Variants in KDM4C observed in about 807,000 individuals in gnomAD.
The protein encoded by KDM4C is lysine demethylase 4C.
In KDM4C, 81 loss-of-function variants were observed where a neutral mutation model predicts 129.3. The ratio of observed to expected loss-of-function variants is 0.63; its 90% CI spans 0.52 to 0.75. The LOEUF (loss-of-function observed/expected upper bound fraction) is 0.75. Ranked by LOEUF, KDM4C falls within the 30% of genes least tolerant of loss-of-function variation. KDM4C has a pLI of 0.00. For synonymous variants in KDM4C, 573 were observed against 456.1 expected, an observed-to-expected ratio of 1.26 and a Z score of -3.26; for missense variants, 1,457 against 1,304.0, an observed-to-expected ratio of 1.12 and a Z score of -1.81.
chr9:6,798,983 C>T (rs1332568259), intron 2 of KDM4C, among the ~76,000 whole-genome samples: 4 of 117,676 alleles, frequency 3.4e-5, no homozygotes, highest in Admixed American at 7.9e-5. Flanking sequence ...CGGGCAGAGA[C>T]GCTCCTCACT....
intron 1 of KDM4C, among the ~76,000 whole-genome samples, chr9:6,769,580 CAT>C (rs1231091128): frequency 6.6e-6 from 1 of 152,090 alleles, no homozygotes; most frequent in African/African-American, 2.4e-5. Context: ...AATGAAGTAA[CAT>C]ATGTTAAAGC....
intron 8 of KDM4C, among the ~76,000 whole-genome samples, chr9:6,931,108 C>G (rs1006075366): frequency 1.3e-5 from 2 of 151,974 alleles, no homozygotes; most frequent in Non-Finnish European, 2.9e-5. Flanking sequence ...GCACTTGGAA[C>G]CCTCTCTCTT....
At chr9:6,977,514 G>T (rs1398114053) in intron 8 of KDM4C, among the ~76,000 whole-genome samples, 2 of 152,094 alleles carry the variant, frequency 1.3e-5, no homozygotes, top group South Asian at 2.1e-4. Context: ...TTAAAAGGAG[G>T]CCTATTTTGT....
intron 17 of KDM4C, among the ~76,000 whole-genome samples, chr9:7,091,918 C>T (rs1414791570): frequency 6.6e-6 from 1 of 152,202 alleles, no homozygotes; most frequent in African/African-American, 2.4e-5. Flanking sequence ...ACCCTGGGCT[C>T]AGCACATGCT....
chr9:6,807,221 G>C (rs564260725), intron 3 of KDM4C, among the ~76,000 whole-genome samples: 3 of 152,190 alleles, frequency 2.0e-5, no homozygotes, highest in Admixed American at 1.3e-4. Context: ...GTGCAGTGGC[G>C]TGATCTCGGC....
chr9:6,875,093 C>T (rs1843354252), intron 5 of KDM4C, among the ~76,000 whole-genome samples: 1 of 152,162 alleles, frequency 6.6e-6, no homozygotes, highest in Non-Finnish European at 1.5e-5. Flanking sequence ...GCCTTCCTTC[C>T]CATTTTCTGC....
At chr9:6,749,166 T>G (rs528286591) in intron 1 of KDM4C, among the ~76,000 whole-genome samples, 1 of 152,174 alleles carries the variant, frequency 6.6e-6, no homozygotes, top group South Asian at 2.1e-4. Flanking sequence ...ATTACAGGCA[T>G]GCACCACCAC....
At chr9:6,848,010 T>C (rs1275607308) in intron 4 of KDM4C, among the ~76,000 whole-genome samples, 1 of 152,222 alleles carries the variant, frequency 6.6e-6, no homozygotes, top group African/African-American at 2.4e-5. Flanking sequence ...ATTGGTATAG[T>C]TATTGGAGAG....
chr9:6,815,120 CT>C (rs1387286583), intron 4 of KDM4C: 1 of 153,698 alleles, frequency 6.5e-6, no homozygotes, highest in Non-Finnish European at 1.4e-5. Flanking sequence ...AGTACTTTCC[CT>C]CAATCATTAA....
intron 6 of KDM4C, among the ~76,000 whole-genome samples, chr9:6,881,371 G>C (rs986482621): frequency 6.6e-6 from 1 of 152,132 alleles, no homozygotes; most frequent in Admixed American, 6.5e-5. Flanking sequence ...CTTGAACTTT[G>C]TTAGGGACTG....
rs1018752030 is a variant in KDM4C at position 6,778,586 on chromosome 9, G to A, written c.-17-14386G>A. Among the ~76,000 whole-genome samples, 11 of 148,972 alleles carry A rather than the reference G, an allele frequency of 7.4e-5. 1 individual carries two copies. On this transcript the variant is annotated intron_variant, in intron 1 of 21. Coordinates refer to ENST00000381309, the MANE Select transcript of KDM4C (RefSeq NM_015061.6). ...GTTTGAGACCAGCCTGACCAACATG[G>A]TGAAACCCCGCCTCTACTAAAAATA... is the stretch of plus-strand genomic sequence containing the variant.
rs1588232372 is a variant in KDM4C at position 6,783,029 on chromosome 9, G to C, written c.-17-9943G>C. On this transcript the variant is annotated intron_variant, in intron 1 of 21. Transcript: ENST00000381309. ...GAGGGTAGGCTTGGGAAGGCTCTTG[G>C]GATTCTGATGTTGGCCGTGCAGTAG... 5.9e-5 allele frequency among the ~76,000 whole-genome samples: 9 copies of C among 152,274 alleles called. No homozygotes were observed. In the South Asian group the frequency reaches 1.9e-3, roughly 32 times the overall value.
In KDM4C at chr9:7,013,993, T is replaced by G. The variant is rs1159998963; in HGVS notation, c.2174T>G (p.Val725Gly). The G allele has an allele frequency of 6.2e-7, 1 of 1,611,432 alleles. No homozygotes were observed. The highest frequency in any genetic ancestry group is 8.5e-7 in the Non-Finnish European group (1 of 1,178,670). The change falls in exon 14 of 22, where the codon GTT becomes GGT. Residue 725 changes from valine (V) to glycine (G), a missense_variant. Coordinates refer to ENST00000381309, the MANE Select transcript of KDM4C (RefSeq NM_015061.6). ...TCCTGTGCAAAGTGCTGCGTACGGG[T>G]TCATGCAAGTAAATGGATCTATAAT... is the stretch of plus-strand genomic sequence containing the variant. ...LISCAKCCVR[V>G]HASCYGIPSH...
intron 8 of KDM4C, among the ~76,000 whole-genome samples, chr9:6,898,161 G>T (rs1471764053): frequency 6.6e-6 from 1 of 152,188 alleles, no homozygotes; most frequent in African/African-American, 2.4e-5. Context: ...AAACTGACAG[G>T]CTGTTAAATG....
intron 8 of KDM4C, among the ~76,000 whole-genome samples, chr9:6,965,164 T>C (rs140228234): frequency 3.3e-5 from 5 of 152,106 alleles, no homozygotes; most frequent in African/African-American, 1.2e-4. Flanking sequence ...AAATTATATG[T>C]AGGAAATAAA....
chr9:6,828,889 G>A (rs1333016350), intron 4 of KDM4C, among the ~76,000 whole-genome samples: 2 of 152,000 alleles, frequency 1.3e-5, no homozygotes, highest in African/African-American at 4.8e-5. Context: ...AAAAAATTGG[G>A]TTGGATAGGA....
chr9:6,789,562 C>T (rs191104355), intron 1 of KDM4C, among the ~76,000 whole-genome samples: 4 of 151,490 alleles, frequency 2.6e-5, no homozygotes, highest in South Asian at 2.1e-4. Flanking sequence ...GACAGGGTTT[C>T]GCCATGTTGC....
intron 13 of KDM4C, among the ~76,000 whole-genome samples, chr9:7,013,262 A>G (rs1048798984): frequency 5.3e-5 from 8 of 152,180 alleles, no homozygotes; most frequent in African/African-American, 1.9e-4. Flanking sequence ...TTTTGGTGTG[A>G]GGTGATAATT....
intron 17 of KDM4C, among the ~76,000 whole-genome samples, chr9:7,059,737 G>A (rs1218458507): frequency 2.6e-5 from 4 of 152,050 alleles, no homozygotes; most frequent in African/African-American, 4.8e-5. Context: ...TTATTAAACT[G>A]GGCAGAGATT....
Sources: allele counts gnomAD v4.1 joint callset (sites outside exome capture counted in the v4.1 genomes callset), GRCh38; gene constraint gnomAD v4.1.1; transcripts MANE v1.5; gene names NCBI Gene and HGNC (gene_info 2026-07-23, HGNC 2026-07-21).